LVRN: variants seen among roughly 807,000 people sequenced by gnomAD.
The protein encoded by LVRN is aminopeptidase Q.
In LVRN, 99 loss-of-function variants were observed where a neutral mutation model predicts 111.4. The ratio of observed to expected loss-of-function variants is 0.89; its 90% CI spans 0.76 to 1.05. The LOEUF is 1.05. LVRN is among the 50% of genes least tolerant of loss of function. LVRN has a pLI of 0.00. For missense variants in LVRN, 1,414 were observed against 1,206.8 expected, an observed-to-expected ratio of 1.17 and a Z score of -2.54; for synonymous variants, 488 against 449.5, an observed-to-expected ratio of 1.09 and a Z score of -1.08.
At chr5:115,983,262 A>G (rs1220940857) in intron 1 of LVRN, 25 bp from the exon 2 acceptor site, 1 of 1,515,512 alleles carries the variant, frequency 6.6e-7, no homozygotes, top group South Asian at 1.3e-5. Flanking sequence ...AAAATAAATA[A>G]AAATTTCCCC....
At chr5:116,013,823 T>G (rs1034599694) in intron 15 of LVRN, among the ~76,000 whole-genome samples, 21 of 152,328 alleles carry the variant, frequency 1.4e-4, no homozygotes, top group Middle Eastern at 3.4e-3. Flanking sequence ...TCTTTTGAAC[T>G]TATTTTGTTT....
rs1747814843 is a variant in LVRN at position 115,984,724 on chromosome 5, T to A, written c.978+15T>A. ...GGGGCAAGGAGGTGAGTGAGGAAGA[T>A]TCTGTAGGTAAGGGAGATTGTACTG... is the stretch of plus-strand genomic sequence containing the variant. On this transcript the variant is annotated intron_variant, in intron 3 of 19. Coordinates refer to ENST00000357872, the MANE Select transcript of LVRN (RefSeq NM_173800.5). The A allele has an allele frequency of 6.2e-7, 1 of 1,612,938 alleles. No homozygotes were observed. The highest frequency in any genetic ancestry group is 1.3e-5 in the African/African-American group (1 of 74,834).
At chr5:116,002,651 C>T (rs1243021664) in intron 10 of LVRN, among the ~76,000 whole-genome samples, 184 bp from the exon 11 acceptor site, 1 of 152,008 alleles carries the variant, frequency 6.6e-6, no homozygotes, top group African/African-American at 2.4e-5. Flanking sequence ...TAAACAATAG[C>T]CAAAGTAAAA....
In LVRN at chr5:116,027,001, A is replaced by C. The variant is rs902690405; in HGVS notation, c.*883A>C. The C allele has an allele frequency of 6.6e-6, 1 of 152,224 alleles. No individual in the cohort carries two copies. The highest frequency in any genetic ancestry group is 1.5e-5 in the Non-Finnish European group (1 of 68,032). 9.4% of individuals were successfully genotyped at this position (152,224 alleles called of 1,614,324 possible). On this transcript the variant is annotated 3_prime_UTR_variant, in exon 20 of 20. Coordinates refer to ENST00000357872, the MANE Select transcript of LVRN (RefSeq NM_173800.5). ...TTGAAATGAAAGAAACAGAACTAAA[A>C]GGCTAACTGGAGCATAATCCTTACA...
intron 9 of LVRN, 76 bp from the exon 10 acceptor site, chr5:116,000,978 AATAGCTACCGAGT>A: frequency 7.1e-7 from 1 of 1,417,924 alleles, no homozygotes. Context: ...TGAGGAAGAG[AATAGCTACCGAGT>A]TTCTTTTTGG....
chr5:115,983,269 C>T lies in LVRN; in HGVS notation c.696-18C>T. On this transcript the variant is annotated intron_variant, in intron 1 of 19. Coordinates refer to ENST00000357872, the MANE Select transcript of LVRN (RefSeq NM_173800.5). The stretch of plus-strand genomic sequence containing the variant: ...TTGAAATAAAAATAAATAAAAATTT[C>T]CCCAAAATGTATTTCAGGGCCCTGT... 1 of 1,531,666 alleles carries T rather than the reference C, an allele frequency of 6.5e-7. No individual in the cohort carries two copies. Among genetic ancestry groups the T allele is most frequent in the Non-Finnish European group, 8.7e-7 (1 of 1,144,584 alleles). 94.9% of individuals were successfully genotyped at this position (1,531,666 alleles called of 1,614,324 possible). A position where few individuals can be genotyped will look rare whatever the true frequency, so the allele number is the denominator to read the frequency against.
chr5:116,001,000 G>T, intron 9 of LVRN, 67 bp from the exon 10 acceptor site: 1 of 1,505,616 alleles, frequency 6.6e-7, no homozygotes, highest in Non-Finnish European at 8.9e-7. Flanking sequence ...GTTTCTTTTT[G>T]GAGATTGCTA....
intron 1 of LVRN, chr5:115,975,905 A>G (rs1753437479): frequency 6.2e-6 from 1 of 161,654 alleles, no homozygotes; most frequent in Non-Finnish European, 1.5e-5. Flanking sequence ...TAAAAAACAC[A>G]TTTATCTATT....
At chr5:115,994,910 A>G (rs1021622365) in intron 6 of LVRN, among the ~76,000 whole-genome samples, 1 of 152,138 alleles carries the variant, frequency 6.6e-6, no homozygotes, top group Non-Finnish European at 1.5e-5. Flanking sequence ...CTTGGTTTGC[A>G]TCTTCTTCCC....
intron 18 of LVRN, among the ~76,000 whole-genome samples, chr5:116,018,253 A>G (rs1748641727): frequency 6.6e-6 from 1 of 152,238 alleles, no homozygotes; most frequent in African/African-American, 2.4e-5. Flanking sequence ...TTAAACCCGT[A>G]TCCCCTGGCT....
rs936585485 is a variant in LVRN at position 116,026,298 on chromosome 5, C to T, written c.*180C>T. The T allele has an allele frequency of 3.4e-6, 3 of 881,336 alleles. No homozygotes were observed. The African/African-American group carries it at 5.1e-5, about 15-fold the overall frequency. The allele number at this position is 881,336 out of a possible 1,614,324, so 54.6% of individuals were successfully genotyped here. A position where few individuals can be genotyped will look rare whatever the true frequency, so the allele number is the denominator to read the frequency against. ...GTTTGGCCCTGAGGGTGGGTGATTG[C>T]TGACAATTTTGCCAATGCTGCTGTA... On this transcript the variant is annotated 3_prime_UTR_variant, in exon 20 of 20. Coordinates refer to ENST00000357872, the MANE Select transcript of LVRN (RefSeq NM_173800.5).
intron 18 of LVRN, 25 bp from the exon 19 acceptor site, chr5:116,022,366 T>A: frequency 6.5e-7 from 1 of 1,536,446 alleles, no homozygotes; most frequent in Non-Finnish European, 9.0e-7. Context: ...TTTCCACCCT[T>A]GATTAACATC....
chr5:116,022,586 T>C, intron 19 of LVRN, 120 bp downstream of exon 19: 2 of 690,094 alleles, frequency 2.9e-6, no homozygotes, highest in African/African-American at 1.9e-5. Flanking sequence ...TATGCTTCTA[T>C]TGGTGCTGTA....
intron 12 of LVRN, among the ~76,000 whole-genome samples, chr5:116,003,686 A>G (rs1748292547): frequency 1.3e-5 from 2 of 149,864 alleles, no homozygotes; most frequent in African/African-American, 2.5e-5. Context: ...GGTTCACGCC[A>G]TTCTCCTGCC....
At chr5:115,993,214 G>C (rs201184844) in intron 5 of LVRN, among the ~76,000 whole-genome samples, 1 of 115,708 alleles carries the variant, frequency 8.6e-6, no homozygotes, top group South Asian at 3.0e-4. Flanking sequence ...TTTTTTTTCT[G>C]TTCAGTTCAA....
chr5:115,972,129 C>T (rs6594922), intron 1 of LVRN, among the ~76,000 whole-genome samples: 85,438 of 151,770 alleles, frequency 0.56, 24,977 homozygotes, highest in East Asian at 0.74. Context: ...AATGTTTTCA[C>T]AGATACACCA....
intron 6 of LVRN, 149 bp downstream of exon 6, chr5:115,994,003 TA>T (rs1200426292): frequency 3.5e-5 from 17 of 489,994 alleles, no homozygotes; most frequent in African/African-American, 6.2e-5. Context: ...AGCTTTTTGA[TA>T]TTTTTTTTTA....
chr5:115,991,034 T>G (rs186236754), intron 4 of LVRN, among the ~76,000 whole-genome samples: 27 of 152,330 alleles, frequency 1.8e-4, no homozygotes, highest in African/African-American at 6.3e-4. Context: ...TGTTACAATA[T>G]TGAAACATTA....
chr5:116,008,159 G>A (rs1210434562), intron 13 of LVRN, among the ~76,000 whole-genome samples: 1 of 152,052 alleles, frequency 6.6e-6, no homozygotes, highest in Non-Finnish European at 1.5e-5. Context: ...GGCTAACACA[G>A]TGCAAACCCC....
Sources: allele counts gnomAD v4.1 joint callset (sites outside exome capture counted in the v4.1 genomes callset), GRCh38; gene constraint gnomAD v4.1.1; transcripts MANE v1.5; gene names NCBI Gene and HGNC (gene_info 2026-07-23, HGNC 2026-07-21).